The following POTEJ variants were observed in gnomAD, a reference collection of about 807,000 sequenced individuals.
The protein encoded by POTEJ is POTE ankyrin domain family member J.
A neutral mutation model predicts 69.0 loss-of-function variants in POTEJ; 11 were observed. That is an observed-to-expected ratio of 0.16 (90% CI 0.10 to 0.26). The LOEUF is 0.26. Among genes scored for constraint, POTEJ ranks in the 10% least tolerant of loss-of-function variants. The pLI, the probability that POTEJ is intolerant of heterozygous loss-of-function variation, is 1.00. For synonymous variants in POTEJ, 117 were observed against 381.1 expected, an observed-to-expected ratio of 0.31 and a Z score of 8.07; for missense variants, 327 against 1,045.5, an observed-to-expected ratio of 0.31 and a Z score of 9.48.
rs565297579 is a variant in POTEJ at position 130,643,454 on chromosome 2, G to A, written c.1370-529G>A. Among the ~76,000 whole-genome samples the A allele has an allele frequency of 7.3e-3, 997 of 136,986 alleles. 90 individuals are homozygous for A. The highest frequency in any genetic ancestry group is 0.012 in the Non-Finnish European group (717 of 61,630). The allele number at this position is 136,986 out of a possible 152,430, so 89.9% of individuals were successfully genotyped here. A position where few individuals can be genotyped will look rare whatever the true frequency, so the allele number is the denominator to read the frequency against. ...GAATCACTTGAACCAGGGAGGCGGA[G>A]GTTGCAGTGAGCTGATCATGCCACT... On this transcript the variant is annotated intron_variant, in intron 10 of 14. Coordinates refer to ENST00000409602, the MANE Select transcript of POTEJ (RefSeq NM_001277083.2).
intron 6 of POTEJ, among the ~76,000 whole-genome samples, chr2:130,624,397 G>C (rs1161198835): frequency 4.2e-5 from 6 of 143,072 alleles, no homozygotes; most frequent in Non-Finnish European, 6.0e-5. Flanking sequence ...GGTCTCATCT[G>C]GGGGCAAAGT....
chr2:130,648,289 T>G (rs1412628054), intron 13 of POTEJ, among the ~76,000 whole-genome samples: 1 of 146,546 alleles, frequency 6.8e-6, no homozygotes, highest in Non-Finnish European at 1.5e-5. Context: ...AATTGTTACA[T>G]AAAATTTGAA....
In POTEJ at chr2:130,655,323, A is replaced by T. The variant is rs533607090; in HGVS notation, c.1788+282A>T. ...TGACGATCTTTCCACATCAGAAATA[A>T]GTTTTGCTACTGAAAACAGATTTTC... On this transcript the variant is annotated intron_variant, in intron 14 of 14. Transcript: ENST00000409602. Among the ~76,000 whole-genome samples the T allele has an allele frequency of 2.0e-5, 3 of 152,320 alleles. No individual in the cohort carries two copies. The South Asian group carries it at 6.2e-4, about 32-fold the overall frequency.
At chr2:130,649,440 G>A (rs1686720355) in intron 13 of POTEJ, among the ~76,000 whole-genome samples, 1 of 152,154 alleles carries the variant, frequency 6.6e-6, no homozygotes, top group Admixed American at 6.5e-5. Context: ...ATATCCAGAG[G>A]CCAGTCTATC....
chr2:130,627,033 G>T (rs1390995811), intron 6 of POTEJ, among the ~76,000 whole-genome samples: 5 of 152,162 alleles, frequency 3.3e-5, no homozygotes, highest in African/African-American at 1.2e-4. Context: ...GAAAGCCTTG[G>T]GGGACAGAGA....
chr2:130,625,690 G>A (rs1315803086), intron 6 of POTEJ, among the ~76,000 whole-genome samples: 1 of 144,844 alleles, frequency 6.9e-6, no homozygotes, highest in African/African-American at 2.7e-5. Flanking sequence ...CAAAAGACAA[G>A]ATGCTTGAGT....
At chr2:130,631,713 G>C (rs1157453316) in intron 8 of POTEJ, among the ~76,000 whole-genome samples, 1 of 141,406 alleles carries the variant, frequency 7.1e-6, no homozygotes, top group Admixed American at 7.0e-5. Flanking sequence ...TAGGAGCTTT[G>C]GACCAATCAT....
At chr2:130,650,147 A>G (rs1686755598) in intron 13 of POTEJ, among the ~76,000 whole-genome samples, 1 of 152,276 alleles carries the variant, frequency 6.6e-6, no homozygotes, top group Non-Finnish European at 1.5e-5. Context: ...AAACAAAGTG[A>G]TTTATCATCT....
intron 6 of POTEJ, among the ~76,000 whole-genome samples, chr2:130,624,758 A>G: frequency 6.6e-6 from 1 of 152,148 alleles, no homozygotes; most frequent in East Asian, 1.9e-4. Flanking sequence ...AGAACACTGA[A>G]GCACAAGTCA....
chr2:130,640,213 C>T (rs1486808137), intron 10 of POTEJ, among the ~76,000 whole-genome samples: 2 of 143,282 alleles, frequency 1.4e-5, no homozygotes, highest in African/African-American at 5.4e-5. Context: ...TGAGATTGCC[C>T]ATTTGGGAGG....
At chr2:130,612,084 G>A in intron 1 of POTEJ, 142 bp downstream of exon 1, 2 of 1,425,522 alleles carry the variant, frequency 1.4e-6, no homozygotes, top group Non-Finnish European at 1.9e-6. Context: ...AGAGAGGTCA[G>A]GGCACAGGCC....
rs556193909 is a variant in POTEJ at position 130,636,496 on chromosome 2, T to A, written c.1299-2123T>A. Reference sequence around the variant, plus strand: ...TTTGTATTAGAAAAAAAAAAACCCTTTCTCAGCAGAGACTCTTCTGGCCAT... The same window carrying A: ...TTTGTATTAGAAAAAAAAAAACCCTATCTCAGCAGAGACTCTTCTGGCCAT... On this transcript the variant is annotated intron_variant, in intron 9 of 14. Transcript: ENST00000409602. Among the ~76,000 whole-genome samples, 6 of 146,754 alleles carry A rather than the reference T, an allele frequency of 4.1e-5. 1 individual carries two copies. Among genetic ancestry groups the A allele is most frequent in the Non-Finnish European group, 7.6e-5 (5 of 65,486 alleles).
intron 1 of POTEJ, among the ~76,000 whole-genome samples, chr2:130,613,257 C>CAT (rs1416609904): frequency 2.3e-4 from 23 of 99,100 alleles, no homozygotes; most frequent in African/African-American, 4.6e-4. Context: ...TATATATACA[C>CAT]ATATATACAT....
rs201005492 is a variant in POTEJ, at chr2:130,611,690, C to T, written c.158C>T (p.Thr53Ile). Residue 53 changes from threonine to isoleucine, a missense_variant, in exon 1 of 15, where the codon ACT becomes ATT. Coordinates refer to ENST00000409602, the MANE Select transcript of POTEJ (RefSeq NM_001277083.2). ...ACTTCTGGAGACCAGGACGACTCCA[C>T]TATGAAGACACTCAGGAGCAAGATG... ...VGTSGDQDDS[T>I]MKTLRSKMGK... 6 of 1,522,732 alleles carry T rather than the reference C, an allele frequency of 3.9e-6. 1 individual carries two copies. The highest frequency in any genetic ancestry group is 5.3e-6 in the Non-Finnish European group (6 of 1,123,294). The allele number at this position is 1,522,732 out of a possible 1,614,324, so 94.3% of individuals were successfully genotyped here. A position where few individuals can be genotyped will look rare whatever the true frequency, so the allele number is the denominator to read the frequency against.
chr2:130,625,168 T>C (rs1272123287), intron 6 of POTEJ, among the ~76,000 whole-genome samples: 3 of 152,288 alleles, frequency 2.0e-5, no homozygotes, highest in African/African-American at 7.2e-5. Context: ...GAGACAAAGA[T>C]GGAATAGATG....
At chr2:130,613,234 A>G (rs1251184088) in intron 1 of POTEJ, among the ~76,000 whole-genome samples, 1 of 127,238 alleles carries the variant, frequency 7.9e-6, no homozygotes, top group African/African-American at 2.8e-5. Flanking sequence ...AGATATATAT[A>G]CATATATATA....
chr2:130,631,712 T>C (rs1685907591), intron 8 of POTEJ, among the ~76,000 whole-genome samples: 1 of 141,894 alleles, frequency 7.0e-6, no homozygotes, highest in Non-Finnish European at 1.5e-5. Context: ...TTAGGAGCTT[T>C]GGACCAATCA....
At chr2:130,630,817 G>A (rs1685869965) in intron 7 of POTEJ, among the ~76,000 whole-genome samples, 2 of 145,126 alleles carry the variant, frequency 1.4e-5, no homozygotes, top group African/African-American at 5.4e-5. Flanking sequence ...GACTTAAGCA[G>A]ATAATCTGGA....
intron 9 of POTEJ, among the ~76,000 whole-genome samples, chr2:130,633,119 C>G (rs972621564): frequency 1.4e-5 from 2 of 143,988 alleles, no homozygotes; most frequent in African/African-American, 2.7e-5. Flanking sequence ...TTAGTTCCCA[C>G]TAATGAGTAA....
Sources: allele counts gnomAD v4.1 joint callset (sites outside exome capture counted in the v4.1 genomes callset), GRCh38; gene constraint gnomAD v4.1.1; transcripts MANE v1.5; gene names NCBI Gene and HGNC (gene_info 2026-07-23, HGNC 2026-07-21).